Variants in SASH1 observed in about 807,000 individuals in gnomAD.
The protein encoded by SASH1 is SAM and SH3 domain containing 1, also known as SAM and SH3 domain-containing protein 1.
In SASH1, 44 loss-of-function variants were observed where a neutral mutation model predicts 125.2. The ratio of observed to expected loss-of-function variants is 0.35; its 90% confidence interval spans 0.28 to 0.45. The LOEUF (loss-of-function observed/expected upper bound fraction) is 0.45. Among genes scored for constraint, SASH1 ranks in the 20% least tolerant of loss-of-function variants. The pLI is 1.00. For synonymous variants in SASH1, 639 were observed against 649.1 expected (o/e 0.98, Z 0.24); for missense variants, 1,426 against 1,614.5 (o/e 0.88, Z 2.00).
chr6:148,198,874 A>C, the SASH1 span, among the ~76,000 whole-genome samples: 8 of 152,240 alleles, frequency 5.3e-5, no homozygotes, highest in African/African-American at 1.9e-4. Context: ...GACAATTATC[A>C]GCTAGTGCTG....
Position 148,533,262 on chromosome 6 carries a change from CCA to C in SASH1, c.1734+302_1734+303del, listed in dbSNP as rs1781632332. ...TCCCTCTCCCCACCTGGCTCCTGCTCCACACACCTGGTTTCTGTGTTTTCTCC... is the reference window on the plus strand; with the variant it reads ...TCCCTCTCCCCACCTGGCTCCTGCTCCACACCTGGTTTCTGTGTTTTCTCC... On this transcript the variant is annotated intron_variant, in intron 14 of 19. Transcript: ENST00000367467. This position sits in a 1 kb window ranked among gnomAD's most constrained non-coding sequence, Gnocchi z 6.2. 6.6e-6 allele frequency among the ~76,000 whole-genome samples: 1 copy of C among 152,176 alleles called. No homozygotes were observed. The highest frequency in any genetic ancestry group is 2.4e-5 in the African/African-American group (1 of 41,430).
In SASH1 at chr6:148,471,507, C is replaced by A; in HGVS notation, c.514+4C>A. 1 of 1,532,264 alleles carries A rather than the reference C, an allele frequency of 6.5e-7. No individual in the cohort carries two copies. The highest frequency in any genetic ancestry group is 8.9e-7 in the Non-Finnish European group (1 of 1,121,654). The allele number at this position is 1,532,264 out of a possible 1,614,324, so 94.9% of individuals were successfully genotyped here. A position where few individuals can be genotyped will look rare whatever the true frequency, so the allele number is the denominator to read the frequency against. ...ATAATGAGACAGACTTCAAAAGGTA[C>A]TGCAATGCAGCTGGCGGACAGTAGG... On this transcript the variant is annotated splice_donor_region_variant and intron_variant, in intron 6 of 19. Transcript: ENST00000367467.
chr6:148,246,115 CTCTTT>C, the SASH1 span, among the ~76,000 whole-genome samples: 1 of 152,172 alleles, frequency 6.6e-6, no homozygotes, highest in African/African-American at 2.4e-5. Context: ...CTCTTCTCTT[CTCTTT>C]TCTCTCTCTC....
Position 148,388,390 on chromosome 6 carries a change from C to T in SASH1, c.157-1744C>T, listed in dbSNP as rs750867732. On this transcript the variant is annotated intron_variant, in intron 1 of 19. Coordinates refer to ENST00000367467, the MANE Select transcript of SASH1 (RefSeq NM_015278.5). ...ATTTTGAAGAGGAGGGGGTCTCCCA[C>T]GTTGCCTGCTGTGTCAGTCCAGGCT... is the stretch of plus-strand genomic sequence containing the variant. 1.3e-4 allele frequency among the ~76,000 whole-genome samples: 20 copies of T among 152,300 alleles called. 1 individual carries two copies. The highest frequency in any genetic ancestry group is 1.9e-4 in the African/African-American group (8 of 41,580).
intron 4 of SASH1, among the ~76,000 whole-genome samples, chr6:148,447,502 G>T (rs115080514): frequency 4.6e-5 from 7 of 152,052 alleles, no homozygotes; most frequent in African/African-American, 9.7e-5. Context: ...TCCTCTGACT[G>T]CAGGGAAGAA....
Position 148,512,453 on chromosome 6 carries a change from C to T in SASH1, c.730-1871C>T, listed in dbSNP as rs1188543369. ...TGTTTTTAAATGTTTATATGTAATT[C>T]CATGAACTGTGGGTTTTTCAGGTGC... On this transcript the variant is annotated intron_variant, in intron 8 of 19. Transcript: ENST00000367467. 41 of 984,842 alleles carry T rather than the reference C, an allele frequency of 4.2e-5. No individual in the cohort carries two copies. The South Asian group carries it at 1.8e-3, about 44-fold the overall frequency. The allele number at this position is 984,842 out of a possible 1,614,324, so 61.0% of individuals were successfully genotyped here.
Position 148,309,103 on chromosome 6 carries a change from A to AAT in SASH1, n.74+36726_74+36727insAT, listed in dbSNP as rs60194902. 6.3e-4 allele frequency among the ~76,000 whole-genome samples: 90 copies of AAT among 143,646 alleles called. 2 individuals are homozygous for AAT. The highest frequency in any genetic ancestry group is 1.0e-3 in the Admixed American group (14 of 13,852). The allele number at this position is 143,646 out of a possible 152,430, so 94.2% of individuals were successfully genotyped here. ...TGTCTCCAAAAAAAAAAAAAAAAAA[A>AAT]GATTCTCTTTCTCTAAATGGTCCCA... On this transcript the variant is annotated intron_variant and non_coding_transcript_variant, in intron 1 of 3. Transcript: ENST00000367469.
chr6:148,405,598 C>T (rs1784342858), intron 2 of SASH1, among the ~76,000 whole-genome samples: 2 of 152,120 alleles, frequency 1.3e-5, no homozygotes, highest in South Asian at 2.1e-4. Context: ...TTTGTTCCCT[C>T]CTCATATTGC....
chr6:148,309,772 G>A (rs1177513986), intron 1 of SASH1, among the ~76,000 whole-genome samples: 1 of 152,042 alleles, frequency 6.6e-6, no homozygotes, highest in African/African-American at 2.4e-5. Context: ...AGCATGTTGG[G>A]TGGGTCAGAG....
chr6:148,512,122 C>T (rs1380871854), intron 8 of SASH1, among the ~76,000 whole-genome samples: 2 of 152,068 alleles, frequency 1.3e-5, no homozygotes, highest in East Asian at 3.9e-4. Context: ...GGGTTCACGC[C>T]ATTCTTCTGC....
At chr6:148,540,253 G>A (rs1429520463) in intron 16 of SASH1, among the ~76,000 whole-genome samples, 190 bp from the exon 17 acceptor site, 1 of 152,086 alleles carries the variant, frequency 6.6e-6, no homozygotes, top group East Asian at 1.9e-4. Flanking sequence ...ACTTATCTTC[G>A]TGCGATGAAT....
chr6:148,500,142 G>A (rs1779501652), intron 8 of SASH1, among the ~76,000 whole-genome samples: 1 of 151,618 alleles, frequency 6.6e-6, no homozygotes, highest in Non-Finnish European at 1.5e-5. Flanking sequence ...CTGTTTGGGT[G>A]GCTCTGATCA....
the SASH1 span, among the ~76,000 whole-genome samples, chr6:148,257,220 G>T: frequency 6.6e-6 from 1 of 152,128 alleles, no homozygotes; most frequent in African/African-American, 2.4e-5. Flanking sequence ...GTCCAGTTCC[G>T]ATCTTAAACC....
chr6:148,504,906 C>G (rs1348031530), intron 8 of SASH1, among the ~76,000 whole-genome samples: 1 of 152,128 alleles, frequency 6.6e-6, no homozygotes, highest in Non-Finnish European at 1.5e-5. Context: ...GCTCTCTCTC[C>G]CATCCTCTTA....
the SASH1 span, among the ~76,000 whole-genome samples, chr6:148,200,489 T>G: frequency 6.6e-6 from 1 of 152,228 alleles, no homozygotes; most frequent in African/African-American, 2.4e-5. Context: ...CTGCTGTGTT[T>G]CTGTCCAGTG....
chr6:148,500,803 T>C (rs1779529889), intron 8 of SASH1, among the ~76,000 whole-genome samples: 1 of 152,176 alleles, frequency 6.6e-6, no homozygotes. Context: ...TGTTTGTTTG[T>C]TTTTTCTTCT....
At chr6:148,289,867 T>C (rs1208682388) in intron 1 of SASH1, among the ~76,000 whole-genome samples, 1 of 140,956 alleles carries the variant, frequency 7.1e-6, no homozygotes, top group Non-Finnish European at 1.5e-5. Flanking sequence ...TTGTGTTTTT[T>C]TTTTTTTTTT....
chr6:148,324,498 A>G (rs1266944885), intron 1 of SASH1, among the ~76,000 whole-genome samples: 1 of 152,266 alleles, frequency 6.6e-6, no homozygotes, highest in East Asian at 1.9e-4. Flanking sequence ...CAACTCTGCC[A>G]TCCAATGAAT....
chr6:148,440,153 T>C, intron 2 of SASH1, 31 bp from the exon 3 acceptor site: 1 of 1,610,610 alleles, frequency 6.2e-7, no homozygotes, highest in Non-Finnish European at 8.5e-7. Context: ...TGTTTGGAAG[T>C]CCCGTTAAAC....
Sources: gnomAD v4.1 joint callset for allele counts (sites outside exome capture counted in the v4.1 genomes callset) on GRCh38, gnomAD v4.1.1 for gene constraint, Gnocchi (gnomAD v3.1) non-coding constraint, MANE v1.5 for transcripts, NCBI Gene and HGNC (gene_info 2026-07-23, HGNC 2026-07-21) for gene names.